The following MCC variants were observed in gnomAD, a reference collection of about 807,000 sequenced individuals.
MCC encodes the protein MCC regulator of Wnt signaling pathway, also known as colorectal mutant cancer protein.
MCC carries 90 observed loss-of-function variants against 116.2 expected under a neutral mutation model. That is an observed-to-expected ratio of 0.77 (90% CI 0.65 to 0.92). The LOEUF (loss-of-function observed/expected upper bound fraction) is 0.92. MCC is among the 40% of genes least tolerant of loss of function. The pLI is 0.00. For missense variants in MCC, 1,516 were observed against 1,312.2 expected (o/e 1.16, Z -2.40); for synonymous variants, 578 against 510.5 (o/e 1.13, Z -1.78).
At position 113,359,620 on chromosome 5, in the gene MCC, T is replaced by A. The variant is rs547458582; in HGVS notation, c.416-18890A>T. ...GCTGAGGCAAGCCTCTTTAACCTTTTAAAAAAAACAATTAAAAATAATATT... is the reference window on the plus strand; with the variant it reads ...GCTGAGGCAAGCCTCTTTAACCTTTAAAAAAAAACAATTAAAAATAATATT... On this transcript the variant is annotated intron_variant, in intron 2 of 18. Transcript: ENST00000408903. Among the ~76,000 whole-genome samples, 27 of 152,200 alleles carry A rather than the reference T, an allele frequency of 1.8e-4. No individual in the cohort carries two copies. In the East Asian group the frequency reaches 2.3e-3, roughly 13 times the overall value.
intron 3 of MCC, among the ~76,000 whole-genome samples, chr5:113,160,005 C>T (rs1017927287): frequency 6.6e-6 from 1 of 152,232 alleles, no homozygotes; most frequent in African/African-American, 2.4e-5. Context: ...GGTCAGTGGC[C>T]CCTGAATTAT....
rs552846604 is a variant in MCC, at chr5:113,346,167, C to T, written c.416-5437G>A. 3.8e-4 allele frequency among the ~76,000 whole-genome samples: 58 copies of T among 152,122 alleles called. No individual in the cohort carries two copies. The South Asian group carries it at 5.4e-3, about 14-fold the overall frequency. On this transcript the variant is annotated intron_variant, in intron 2 of 18. Transcript: ENST00000408903. ...AGCTTGGAGAGGGGTGACACAAGCA[C>T]AGTCAGAGGAGACAAAAGAAAAAAG...
intron 2 of MCC, among the ~76,000 whole-genome samples, chr5:113,359,919 G>A (rs929311416): frequency 3.9e-5 from 6 of 152,158 alleles, no homozygotes; most frequent in Non-Finnish European, 7.3e-5. Context: ...TTGGTTAGAA[G>A]GCAGAGATTG....
At chr5:113,415,614 C>G (rs1770122380) in intron 1 of MCC, among the ~76,000 whole-genome samples, 1 of 152,086 alleles carries the variant, frequency 6.6e-6, no homozygotes, top group South Asian at 2.1e-4. Flanking sequence ...GTTTTCAGCT[C>G]CATCAGGTCA....
intron 3 of MCC, among the ~76,000 whole-genome samples, chr5:113,220,165 T>C (rs819207): frequency 0.2 from 8,428 of 42,008 alleles, 3,702 homozygotes; most frequent in Middle Eastern, 0.78. Flanking sequence ...TCACGCCATT[T>C]TCCTGCCGCA....
intron 1 of MCC, among the ~76,000 whole-genome samples, chr5:113,482,312 T>C (rs1381585648): frequency 6.6e-6 from 1 of 152,206 alleles, no homozygotes; most frequent in East Asian, 1.9e-4. Flanking sequence ...CAATTCTATG[T>C]TTATGTTTTA....
intron 3 of MCC, among the ~76,000 whole-genome samples, chr5:113,152,495 G>A (rs893078757): frequency 6.6e-6 from 1 of 152,216 alleles, no homozygotes; most frequent in Non-Finnish European, 1.5e-5. Flanking sequence ...GCTTTTTGTA[G>A]TCTTTGCCAA....
intron 1 of MCC, among the ~76,000 whole-genome samples, chr5:113,485,614 A>T (rs1772499805): frequency 2.0e-5 from 3 of 152,186 alleles, no homozygotes; most frequent in East Asian, 1.9e-4. Context: ...TCACCTTTGG[A>T]CTATGAGATA....
chr5:113,478,817 T>C (rs1772299400), intron 1 of MCC, among the ~76,000 whole-genome samples: 2 of 151,960 alleles, frequency 1.3e-5, no homozygotes, highest in African/African-American at 4.8e-5. Flanking sequence ...TCACAGAGAG[T>C]CCTTCTTATC....
Position 113,028,918 on chromosome 5 carries a change from A to C in MCC, c.2879+16T>G. Reference sequence around the variant, plus strand: ...AGGTGGAGGGCGGTGGGGGCTGGGTATAGGGAGATTTTTACCTGTTGGCCC... The same window carrying C: ...AGGTGGAGGGCGGTGGGGGCTGGGTCTAGGGAGATTTTTACCTGTTGGCCC... On this transcript the variant is annotated intron_variant, in intron 18 of 18. Transcript: ENST00000408903. 1.2e-6 allele frequency: 2 copies of C among 1,612,290 alleles called. No individual in the cohort carries two copies. The highest frequency in any genetic ancestry group is 1.7e-6 in the Non-Finnish European group (2 of 1,179,014).
intron 3 of MCC, among the ~76,000 whole-genome samples, chr5:113,245,546 G>A (rs1361464841): frequency 1.3e-5 from 2 of 151,958 alleles, no homozygotes; most frequent in African/African-American, 4.8e-5. Context: ...AGGACATAAG[G>A]CCAAGAAGAG....
Position 113,121,646 on chromosome 5 carries a change from T to C in MCC, c.1027+1038A>G, listed in dbSNP as rs189790861. Among the ~76,000 whole-genome samples the C allele has an allele frequency of 3.8e-3, 580 of 152,330 alleles. 2 individuals are homozygous for C. Among genetic ancestry groups the C allele is most frequent in the African/African-American group, 0.013 (536 of 41,580 alleles). On this transcript the variant is annotated intron_variant, in intron 6 of 18. Transcript: ENST00000408903. ...GTGTTCCATAATGTTGTAGCACTTA[T>C]AGGATTTTAATTAAACCCAAATATG...
At chr5:113,064,349 A>G (rs953848521) in intron 13 of MCC, among the ~76,000 whole-genome samples, 182 bp from the exon 14 acceptor site, 3 of 152,238 alleles carry the variant, frequency 2.0e-5, no homozygotes, top group Admixed American at 6.5e-5. Flanking sequence ...TAGACGCTAC[A>G]TGTGGGAAGG....
intron 2 of MCC, among the ~76,000 whole-genome samples, chr5:113,379,719 A>C (rs966157470): frequency 4.6e-5 from 7 of 152,238 alleles, no homozygotes; most frequent in Non-Finnish European, 1.0e-4. Flanking sequence ...GGGATGGCTT[A>C]AACCGATATA....
intron 3 of MCC, among the ~76,000 whole-genome samples, chr5:113,184,881 T>G (rs1166429646): frequency 2.0e-5 from 3 of 152,190 alleles, no homozygotes; most frequent in Non-Finnish European, 4.4e-5. Context: ...TAACTTTGTA[T>G]AAAGTACTCA....
intron 2 of MCC, among the ~76,000 whole-genome samples, chr5:113,380,489 C>G (rs1769090462): frequency 6.8e-6 from 1 of 146,926 alleles, no homozygotes; most frequent in Non-Finnish European, 1.5e-5. Flanking sequence ...AGTAGCATGA[C>G]AGTGCATTGC....
chr5:113,053,354 CT>C (rs974984448), intron 15 of MCC, among the ~76,000 whole-genome samples: 1 of 152,176 alleles, frequency 6.6e-6, no homozygotes, highest in Non-Finnish European at 1.5e-5. Context: ...TGTTCTCCCC[CT>C]GCCGGAGTTA....
chr5:113,067,047 A>C lies in MCC; in HGVS notation c.2029+1033T>G, dbSNP rs542330243. Reference sequence around the variant, plus strand: ...ACTGCAGTCCTCCCCACATCACTGCAGGCTCGGAGCCACAATCACTGGCCA... The same window carrying C: ...ACTGCAGTCCTCCCCACATCACTGCCGGCTCGGAGCCACAATCACTGGCCA... On this transcript the variant is annotated intron_variant, in intron 13 of 18. Coordinates refer to ENST00000408903, the MANE Select transcript of MCC (RefSeq NM_001085377.2). Among the ~76,000 whole-genome samples, 72 of 152,320 alleles carry C rather than the reference A, an allele frequency of 4.7e-4. No individual in the cohort carries two copies. In the South Asian group the frequency reaches 0.015, roughly 31 times the overall value.
intron 2 of MCC, among the ~76,000 whole-genome samples, chr5:113,345,411 T>C (rs943345835): frequency 3.3e-5 from 5 of 151,996 alleles, no homozygotes; most frequent in African/African-American, 4.8e-5. Flanking sequence ...GGGCCTTGAG[T>C]GAACATAGGC....
Sources: allele counts gnomAD v4.1 joint callset (sites outside exome capture counted in the v4.1 genomes callset), GRCh38; gene constraint gnomAD v4.1.1; transcripts MANE v1.5; gene names NCBI Gene and HGNC (gene_info 2026-07-23, HGNC 2026-07-21).